The following PIEZO2 variants were observed in gnomAD, a reference collection of about 807,000 sequenced individuals.
PIEZO2 encodes piezo type mechanosensitive ion channel component 2.
PIEZO2 carries 172 observed loss-of-function variants against 337.3 expected under a neutral mutation model. The observed-to-expected ratio is 0.51, with a 90% CI of 0.45 to 0.58. The LOEUF (loss-of-function observed/expected upper bound fraction) is 0.58. Ranked by LOEUF, PIEZO2 falls within the 20% of genes least tolerant of loss-of-function variation. The pLI is 0.00. For synonymous variants in PIEZO2, 1,251 were observed against 1,228.5 expected (o/e 1.02, Z -0.38); for missense variants, 3,028 against 3,391.3 (o/e 0.89, Z 2.66).
At chr18:11,084,156 A>G (rs1262474732) in intron 1 of PIEZO2, among the ~76,000 whole-genome samples, 1 of 146,800 alleles carries the variant, frequency 6.8e-6, no homozygotes, top group East Asian at 2.0e-4. Context: ...CAGCCTGGGC[A>G]AAAGAGTGAA....
At position 10,828,140 on chromosome 18, in the gene PIEZO2, G is replaced by T. The variant is rs200587582; in HGVS notation, c.918-20866C>A. ...GGTTTTTTTTTGTTTGTTTGTTTTT[G>T]TTTTTTTTTTTTTTTACAGTAAAAC... On this transcript the variant is annotated intron_variant, in intron 7 of 55. Coordinates refer to ENST00000674853, the MANE Select transcript of PIEZO2 (RefSeq NM_001378183.1). This position sits in a 1 kb window ranked among gnomAD's most constrained non-coding sequence, Gnocchi z 4.1. Among the ~76,000 whole-genome samples, 29 of 141,054 alleles carry T rather than the reference G, an allele frequency of 2.1e-4. No individual in the cohort carries two copies. The highest frequency in any genetic ancestry group is 2.4e-4 in the African/African-American group (9 of 38,048). 92.5% of individuals were successfully genotyped at this position (141,054 alleles called of 152,430 possible).
rs150275274 is a variant in PIEZO2 at position 11,077,722 on chromosome 18, TATC to T, written c.65-11503_65-11501del. On this transcript the variant is annotated intron_variant, in intron 1 of 55. Coordinates refer to ENST00000674853, the MANE Select transcript of PIEZO2 (RefSeq NM_001378183.1). This position sits in a 1 kb window ranked among gnomAD's most constrained non-coding sequence, Gnocchi z 4.8. ...GAAGTTGTTGCTCCATTTTCATTAA[TATC>T]AGTACTTTTAAACTTTGAACCACTG... Among the ~76,000 whole-genome samples, 15,466 of 152,146 alleles carry T rather than the reference TATC, an allele frequency of 0.1. 832 individuals carry two copies. The highest frequency in any genetic ancestry group is 0.15 in the Middle Eastern group (43 of 294).
chr18:10,894,112 T>A lies in PIEZO2; in HGVS notation c.329+17074A>T, dbSNP rs2042829603. On this transcript the variant is annotated intron_variant, in intron 4 of 55. Coordinates refer to ENST00000674853, the MANE Select transcript of PIEZO2 (RefSeq NM_001378183.1). The surrounding 1 kb of genome is among the most constrained non-coding windows in gnomAD (Gnocchi z 4.1). ...CCGAAACTGGTGATCAGCAGCTTCC[T>A]GATAAAATCCCAGGAGGTGGGTGAA... Among the ~76,000 whole-genome samples the A allele has an allele frequency of 6.6e-6, 1 of 152,166 alleles. No individual in the cohort carries two copies. Among genetic ancestry groups the A allele is most frequent in the African/African-American group, 2.4e-5 (1 of 41,444 alleles).
intron 2 of PIEZO2, among the ~76,000 whole-genome samples, chr18:11,013,623 A>G (rs1025826982): frequency 1.7e-4 from 26 of 152,356 alleles, no homozygotes; most frequent in Middle Eastern, 3.4e-3. Context: ...GTGGTAGAGC[A>G]GATGGACCAG....
At chr18:10,857,954 A>G (rs1401121618) in intron 5 of PIEZO2, among the ~76,000 whole-genome samples, 1 of 151,692 alleles carries the variant, frequency 6.6e-6, no homozygotes, top group Non-Finnish European at 1.5e-5. Context: ...TTGGCTAATT[A>G]GAATATTTCC....
chr18:11,058,025 T>C (rs1360022561), intron 2 of PIEZO2, among the ~76,000 whole-genome samples: 1 of 152,302 alleles, frequency 6.6e-6, no homozygotes, highest in Middle Eastern at 3.4e-3. Flanking sequence ...ATAGCCCTGG[T>C]CTACAGAACA....
chr18:10,873,657 T>G (rs2042193606), intron 4 of PIEZO2, among the ~76,000 whole-genome samples: 1 of 152,172 alleles, frequency 6.6e-6, no homozygotes, highest in Non-Finnish European at 1.5e-5. Flanking sequence ...ATAAATAGAA[T>G]GTTTCCACGT....
intron 7 of PIEZO2, among the ~76,000 whole-genome samples, chr18:10,820,243 T>C (rs1326547961): frequency 6.6e-6 from 1 of 152,152 alleles, no homozygotes; most frequent in Non-Finnish European, 1.5e-5. Context: ...CATTTGGCTG[T>C]TATTTCTTAA....
At chr18:10,944,924 C>T (rs1323424539) in intron 3 of PIEZO2, among the ~76,000 whole-genome samples, 1 of 152,120 alleles carries the variant, frequency 6.6e-6, no homozygotes, top group Non-Finnish European at 1.5e-5. Context: ...CTACCAGATT[C>T]TTGCCGTGAG....
chr18:10,846,183 C>T lies in PIEZO2; in HGVS notation c.917+9170G>A, dbSNP rs1455423865. On this transcript the variant is annotated intron_variant, in intron 7 of 55. Transcript: ENST00000674853. This position sits in a 1 kb window ranked among gnomAD's most constrained non-coding sequence, Gnocchi z 4.1. ...GAGGTTTATTGGACTTACAGTTCCA[C>T]ATGGCTAGGGAGGCCTCACAATCAT... Among the ~76,000 whole-genome samples the T allele has an allele frequency of 6.6e-6, 1 of 152,194 alleles. No individual in the cohort carries two copies. The highest frequency in any genetic ancestry group is 2.4e-5 in the African/African-American group (1 of 41,448).
In PIEZO2 at chr18:10,809,054, C is replaced by T. The variant is rs115259253; in HGVS notation, c.918-1780G>A. Among the ~76,000 whole-genome samples the T allele has an allele frequency of 2.8e-3, 424 of 152,226 alleles. 4 individuals are homozygous for T. Among genetic ancestry groups the T allele is most frequent in the African/African-American group, 8.7e-3 (361 of 41,538 alleles). ...TATCATATAGACATTACATACCTTG[C>T]CACTGATAACATAACTGATTCCAAA... On this transcript the variant is annotated intron_variant, in intron 7 of 55. Transcript: ENST00000674853.
chr18:10,943,585 C>T lies in PIEZO2; in HGVS notation c.287-32357G>A, dbSNP rs1007205274. Among the ~76,000 whole-genome samples, 13 of 152,160 alleles carry T rather than the reference C, an allele frequency of 8.5e-5. No homozygotes were observed. The highest frequency in any genetic ancestry group is 7.3e-5 in the Non-Finnish European group (5 of 68,032). On this transcript the variant is annotated intron_variant, in intron 3 of 55. Coordinates refer to ENST00000674853, the MANE Select transcript of PIEZO2 (RefSeq NM_001378183.1). The surrounding 1 kb of genome is among the most constrained non-coding windows in gnomAD (Gnocchi z 4.5). ...TTGTATACAGGAAGTAACTAACTTGCTTTTGATTTTACAGGCTCATAAGCA... is the reference window on the plus strand; with the variant it reads ...TTGTATACAGGAAGTAACTAACTTGTTTTTGATTTTACAGGCTCATAAGCA...
chr18:10,968,450 T>G (rs1568250364), intron 3 of PIEZO2, among the ~76,000 whole-genome samples: 1 of 152,180 alleles, frequency 6.6e-6, no homozygotes, highest in East Asian at 1.9e-4. Context: ...TTTGGTTCCA[T>G]ATGAATTTTA....
At chr18:10,810,203 A>C (rs1312246851) in intron 7 of PIEZO2, among the ~76,000 whole-genome samples, 1 of 152,144 alleles carries the variant, frequency 6.6e-6, no homozygotes, top group Non-Finnish European at 1.5e-5. Flanking sequence ...AGTTTTTAGA[A>C]GATTTTATGT....
intron 8 of PIEZO2, among the ~76,000 whole-genome samples, chr18:10,804,718 G>A (rs767022364): frequency 2.0e-5 from 3 of 152,132 alleles, no homozygotes; most frequent in Non-Finnish European, 4.4e-5. Context: ...CTGAAGTCTC[G>A]ACACTGACTT....
At chr18:10,763,216 A>T in intron 21 of PIEZO2, 118 bp from the exon 22 acceptor site, 4 of 1,117,050 alleles carry the variant, frequency 3.6e-6, no homozygotes, top group African/African-American at 3.1e-5. Context: ...CTGGATTCCT[A>T]GCATGCGCAA....
intron 4 of PIEZO2, among the ~76,000 whole-genome samples, chr18:10,901,373 G>C (rs1380230274): frequency 6.6e-6 from 1 of 151,920 alleles, no homozygotes; most frequent in Non-Finnish European, 1.5e-5. Flanking sequence ...TGCATGAGCT[G>C]TAACAGGGTG....
chr18:10,738,223 G>A (rs1236186486), intron 33 of PIEZO2: 1 of 152,214 alleles, frequency 6.6e-6, no homozygotes, highest in Non-Finnish European at 1.5e-5. Flanking sequence ...TAAGCCGAGA[G>A]ATTTGCAGGA....
Position 10,800,370 on chromosome 18 carries a change from G to C in PIEZO2, c.1345C>G (p.Gln449Glu). The change falls in exon 11 of 56, where the codon CAG becomes GAG. Residue 449 changes from glutamine (Q) to glutamate (E), a missense_variant. By Grantham distance (29) the Gln-to-Glu change is conservative. Transcript: ENST00000674853. ...PGKADLYSTPQYRWEPSDESS... is the reference protein window; with the variant it reads ...PGKADLYSTPEYRWEPSDESS... ...TCATCAGAGGGCTCCCACCGGTACT[G>C]AGGGGTGGAGTAGAGGTCGGCTTTG... 6.5e-7 allele frequency: 1 copy of C among 1,536,604 alleles called. No homozygotes were observed. Among genetic ancestry groups the C allele is most frequent in the Non-Finnish European group, 8.7e-7 (1 of 1,146,600 alleles).
Sources: gnomAD v4.1 joint callset for allele counts (sites outside exome capture counted in the v4.1 genomes callset) on GRCh38, gnomAD v4.1.1 for gene constraint, Gnocchi (gnomAD v3.1) non-coding constraint, MANE v1.5 for transcripts, NCBI Gene and HGNC (gene_info 2026-07-23, HGNC 2026-07-21) for gene names.